The following SORCS1 variants were observed in gnomAD, a reference collection of about 807,000 sequenced individuals.
SORCS1 encodes sortilin related VPS10 domain containing receptor 1.
SORCS1 carries 60 observed loss-of-function variants against 146.1 expected under a neutral mutation model. That is an observed-to-expected ratio of 0.41 (90% CI 0.33 to 0.51). SORCS1 has a LOEUF of 0.51. Ranked by LOEUF, SORCS1 falls within the 20% of genes least tolerant of loss-of-function variation. The probability of loss-of-function intolerance (pLI) is 0.21; values close to 1 mark genes in which losing one functional copy is unlikely to be tolerated. For missense variants in SORCS1, 1,352 were observed against 1,487.6 expected (o/e 0.91, Z 1.50); for synonymous variants, 637 against 584.0 (o/e 1.09, Z -1.31).
intron 2 of SORCS1, among the ~76,000 whole-genome samples, chr10:106,897,161 A>G (rs1043118729): frequency 6.6e-6 from 1 of 151,612 alleles, no homozygotes; most frequent in Admixed American, 6.6e-5. Context: ...GATTACAGGC[A>G]TGAGCCACCT....
At chr10:106,707,441 T>C (rs1417159696) in intron 7 of SORCS1, among the ~76,000 whole-genome samples, 1 of 152,154 alleles carries the variant, frequency 6.6e-6, no homozygotes, top group Non-Finnish European at 1.5e-5. Flanking sequence ...CCTCAGGTGA[T>C]CTGCCCGCCT....
chr10:106,819,192 T>C (rs775419800), intron 3 of SORCS1, among the ~76,000 whole-genome samples: 1 of 152,218 alleles, frequency 6.6e-6, no homozygotes, highest in African/African-American at 2.4e-5. Context: ...TGGTTTTGAC[T>C]CTTTATTTCC....
chr10:106,611,255 GC>G (rs1846967152), intron 22 of SORCS1, among the ~76,000 whole-genome samples: 2 of 152,064 alleles, frequency 1.3e-5, no homozygotes, highest in Non-Finnish European at 2.9e-5. Flanking sequence ...TTGGACTCAG[GC>G]CCTTAATTTC....
chr10:106,837,342 C>T (rs964487749), intron 2 of SORCS1, among the ~76,000 whole-genome samples: 31 of 152,028 alleles, frequency 2.0e-4, no homozygotes, highest in African/African-American at 7.5e-4. Flanking sequence ...AAAAGAAAAG[C>T]ATAAATATTC....
intron 5 of SORCS1, among the ~76,000 whole-genome samples, chr10:106,757,993 C>T (rs981484611): frequency 6.6e-5 from 10 of 152,164 alleles, no homozygotes; most frequent in Non-Finnish European, 1.5e-4. Context: ...TTAAGTAGTG[C>T]TTGTTGCACT....
At chr10:107,072,453 C>T (rs1006708563) in intron 1 of SORCS1, among the ~76,000 whole-genome samples, 1 of 152,164 alleles carries the variant, frequency 6.6e-6, no homozygotes, top group African/African-American at 2.4e-5. Flanking sequence ...ACTGAGCACT[C>T]CCTATGCTCT....
At chr10:106,767,558 G>A (rs1027652753) in intron 4 of SORCS1, among the ~76,000 whole-genome samples, 6 of 152,038 alleles carry the variant, frequency 3.9e-5, no homozygotes, top group African/African-American at 1.2e-4. Context: ...GCGCCATCTC[G>A]GCTCACTGCA....
At chr10:106,733,758 A>G (rs527602654) in intron 5 of SORCS1, among the ~76,000 whole-genome samples, 97 of 152,342 alleles carry the variant, frequency 6.4e-4, no homozygotes, top group Non-Finnish European at 1.0e-3. Flanking sequence ...TGAGACTGAT[A>G]TTCAAGCATC....
chr10:107,073,748 G>C (rs1482277754), intron 1 of SORCS1, among the ~76,000 whole-genome samples: 1 of 152,146 alleles, frequency 6.6e-6, no homozygotes, highest in Admixed American at 6.5e-5. Flanking sequence ...CCTAGGCCAT[G>C]TTGCCTCCCA....
intron 1 of SORCS1, among the ~76,000 whole-genome samples, chr10:107,077,631 T>C (rs989384021): frequency 1.3e-5 from 2 of 150,998 alleles, no homozygotes; most frequent in Non-Finnish European, 2.9e-5. Flanking sequence ...CATAAGAATC[T>C]CTTACATCCG....
the SORCS1 span, among the ~76,000 whole-genome samples, chr10:107,170,344 T>C: frequency 6.6e-6 from 1 of 152,196 alleles, no homozygotes; most frequent in Non-Finnish European, 1.5e-5. Context: ...GAGCTACATT[T>C]CACTTTTGTT....
intron 6 of SORCS1, among the ~76,000 whole-genome samples, chr10:106,727,643 G>T (rs1238852007): frequency 4.0e-5 from 6 of 151,896 alleles, no homozygotes; most frequent in African/African-American, 1.5e-4. Context: ...AAACAGAGAA[G>T]AACATGATAA....
chr10:107,110,892 G>T (rs1157011754), intron 1 of SORCS1, among the ~76,000 whole-genome samples: 1 of 152,038 alleles, frequency 6.6e-6, no homozygotes, highest in African/African-American at 2.4e-5. Context: ...AGCCCTACTG[G>T]CCAAGGTACT....
intron 13 of SORCS1, among the ~76,000 whole-genome samples, chr10:106,675,740 T>A (rs1245862762): frequency 6.6e-6 from 1 of 152,212 alleles, no homozygotes; most frequent in East Asian, 1.9e-4. Context: ...AAATGTTGAA[T>A]ATCTAATCGC....
intron 2 of SORCS1, among the ~76,000 whole-genome samples, chr10:106,953,425 G>A (rs1954793635): frequency 6.6e-6 from 1 of 152,034 alleles, no homozygotes; most frequent in South Asian, 2.1e-4. Context: ...ATTGGTGATA[G>A]TGTTGTGTTG....
chr10:106,607,521 G>T (rs1483549895), intron 22 of SORCS1, among the ~76,000 whole-genome samples: 1 of 152,186 alleles, frequency 6.6e-6, no homozygotes, highest in Non-Finnish European at 1.5e-5. Context: ...CTTCAACACC[G>T]TGAGACCTTA....
chr10:107,033,482 G>T (rs570596338), intron 1 of SORCS1, among the ~76,000 whole-genome samples: 24 of 152,098 alleles, frequency 1.6e-4, no homozygotes, highest in Non-Finnish European at 2.8e-4. Context: ...TCTTGGCAGG[G>T]GCATAGCATA....
chr10:107,029,698 G>C (rs1401374809), intron 1 of SORCS1, among the ~76,000 whole-genome samples: 1 of 152,148 alleles, frequency 6.6e-6, no homozygotes, highest in African/African-American at 2.4e-5. Context: ...TGATACTTTA[G>C]ACATTACAAT....
intron 18 of SORCS1, among the ~76,000 whole-genome samples, chr10:106,647,160 T>C (rs1038218282): frequency 6.6e-5 from 10 of 151,572 alleles, no homozygotes; most frequent in Non-Finnish European, 1.2e-4. Context: ...CAAAACATGC[T>C]GGAGATTTTT....
Sources: allele counts gnomAD v4.1 joint callset (sites outside exome capture counted in the v4.1 genomes callset), GRCh38; gene constraint gnomAD v4.1.1; transcripts MANE v1.5; gene names NCBI Gene and HGNC (gene_info 2026-07-23, HGNC 2026-07-21).